STK32B: variants seen among roughly 807,000 people sequenced by gnomAD.
STK32B encodes the protein serine/threonine kinase 32B.
In STK32B, 43 loss-of-function variants were observed where a neutral mutation model predicts 52.6. The ratio of observed to expected loss-of-function variants is 0.82; its 90% confidence interval spans 0.64 to 1.05. STK32B has a LOEUF of 1.05. Ranked by LOEUF, STK32B falls within the 50% of genes least tolerant of loss-of-function variation. STK32B has a pLI of 0.00. For synonymous variants in STK32B, 238 were observed against 204.3 expected (o/e 1.17, Z -1.41); for missense variants, 621 against 534.6 (o/e 1.16, Z -1.59).
At chr4:5,263,490 G>A (rs1447576206) in intron 3 of STK32B, among the ~76,000 whole-genome samples, 1 of 152,138 alleles carries the variant, frequency 6.6e-6, no homozygotes. Flanking sequence ...TGCAGAGGAT[G>A]TTCTACTTAT....
intron 3 of STK32B, among the ~76,000 whole-genome samples, chr4:5,301,741 A>G (rs1577314838): frequency 8.9e-6 from 1 of 112,250 alleles, no homozygotes; most frequent in East Asian, 2.6e-4. Flanking sequence ...TTTCAGTTCC[A>G]TTAGCTTTTT....
intron 6 of STK32B, among the ~76,000 whole-genome samples, chr4:5,444,793 T>C (rs1299035054): frequency 6.6e-6 from 1 of 152,220 alleles, no homozygotes; most frequent in Admixed American, 6.5e-5. Context: ...TATTATTATC[T>C]ACATTCTACA....
chr4:5,483,224 T>C (rs1718868016), intron 11 of STK32B, among the ~76,000 whole-genome samples: 1 of 151,524 alleles, frequency 6.6e-6, no homozygotes, highest in Non-Finnish European at 1.5e-5. Flanking sequence ...TCCTGGACTC[T>C]TTTTGGTTGG....
In STK32B at chr4:5,346,954, C is replaced by G. The variant is rs1733507051; in HGVS notation, c.434+15561C>G. On this transcript the variant is annotated intron_variant, in intron 4 of 11. Transcript: ENST00000282908. ...AGAGAGAGCACATGTGAAGGAGGAA[C>G]TGTCAAACACTTATAAAACCATCAG... Among the ~76,000 whole-genome samples the G allele has an allele frequency of 1.3e-5, 2 of 152,168 alleles. 1 individual carries two copies. The highest frequency in any genetic ancestry group is 4.8e-5 in the African/African-American group (2 of 41,448).
chr4:5,423,793 G>C (rs1015716015), intron 6 of STK32B, among the ~76,000 whole-genome samples: 3 of 152,184 alleles, frequency 2.0e-5, no homozygotes, highest in Non-Finnish European at 4.4e-5. Context: ...CAGAGGGGTG[G>C]TGGTGGTGAT....
At chr4:5,436,840 T>C (rs1271784987) in intron 6 of STK32B, among the ~76,000 whole-genome samples, 2 of 151,994 alleles carry the variant, frequency 1.3e-5, no homozygotes, top group Non-Finnish European at 2.9e-5. Flanking sequence ...CCAATTCTAA[T>C]AAGGAGGTGT....
In STK32B at chr4:5,489,592, A is replaced by C. The variant is rs1429399179; in HGVS notation, c.1107-9353A>C. 3.9e-5 allele frequency among the ~76,000 whole-genome samples: 6 copies of C among 152,116 alleles called. No individual in the cohort carries two copies. The East Asian group carries it at 1.2e-3, about 30-fold the overall frequency. On this transcript the variant is annotated intron_variant, in intron 11 of 11. Transcript: ENST00000282908. ...ATGAAGACATTTTAAATTTTATTTC[A>C]TTAACAACAATTTTATTTTATTTTA...
At position 5,386,826 on chromosome 4, in the gene STK32B, G is replaced by T. The variant is rs1040292491; in HGVS notation, c.435-11381G>T. Among the ~76,000 whole-genome samples the T allele has an allele frequency of 6.6e-6, 1 of 151,990 alleles. No homozygotes were observed. Among genetic ancestry groups the T allele is most frequent in the Non-Finnish European group, 1.5e-5 (1 of 67,994 alleles). On this transcript the variant is annotated intron_variant, in intron 4 of 11. Transcript: ENST00000282908. This position sits in a 1 kb window ranked among gnomAD's most constrained non-coding sequence, Gnocchi z 4.5. ...ACTCTCGGATTCCAATAGAAGTCAC[G>T]TGGATAGAGTCGGATTCAGCCTTGA...
intron 3 of STK32B, among the ~76,000 whole-genome samples, chr4:5,222,380 A>G (rs1254707874): frequency 9.9e-5 from 15 of 152,208 alleles, no homozygotes; most frequent in African/African-American, 3.1e-4. Flanking sequence ...ATTAAGGGCA[A>G]TTCTAGGGAG....
intron 2 of STK32B, among the ~76,000 whole-genome samples, chr4:5,157,493 A>G (rs1717953714): frequency 6.6e-6 from 1 of 152,216 alleles, no homozygotes; most frequent in African/African-American, 2.4e-5. Context: ...CAACAGAGAC[A>G]GCCTCTCCGA....
the STK32B span, among the ~76,000 whole-genome samples, chr4:5,020,138 G>T: frequency 1.3e-5 from 2 of 152,176 alleles, no homozygotes; most frequent in Non-Finnish European, 2.9e-5. Flanking sequence ...CCCAGCACAG[G>T]CCCCGAGGGA....
At chr4:5,177,691 G>A (rs913685753) in intron 3 of STK32B, among the ~76,000 whole-genome samples, 1 of 152,194 alleles carries the variant, frequency 6.6e-6, no homozygotes, top group Non-Finnish European at 1.5e-5. Context: ...ACAGGTATTA[G>A]GTAAATATAC....
intron 4 of STK32B, among the ~76,000 whole-genome samples, chr4:5,376,420 C>T (rs1172877010): frequency 6.6e-6 from 1 of 151,830 alleles, no homozygotes; most frequent in African/African-American, 2.4e-5. Flanking sequence ...TCTCTCTCCC[C>T]TGCCCCCCTC....
chr4:5,329,482 A>G (rs2108951629), intron 3 of STK32B, among the ~76,000 whole-genome samples: 1 of 152,162 alleles, frequency 6.6e-6, no homozygotes, highest in Non-Finnish European at 1.5e-5. Context: ...ATGGGTAAAG[A>G]CTTTCCCAAT....
At chr4:5,071,930 A>G (rs1468334407) in intron 1 of STK32B, among the ~76,000 whole-genome samples, 1 of 152,190 alleles carries the variant, frequency 6.6e-6, no homozygotes, top group Admixed American at 6.5e-5. Context: ...GCCAGAAAAC[A>G]AAACACAAGA....
intron 3 of STK32B, among the ~76,000 whole-genome samples, chr4:5,274,040 T>A (rs1214467022): frequency 1.3e-5 from 2 of 152,100 alleles, no homozygotes. Context: ...AGACTCAATA[T>A]TGCTAAGCTG....
intron 6 of STK32B, among the ~76,000 whole-genome samples, chr4:5,419,273 A>G (rs912596084): frequency 2.6e-5 from 4 of 152,218 alleles, no homozygotes; most frequent in African/African-American, 9.6e-5. Context: ...GCAGCTTGCT[A>G]TCCAGGTTTC....
chr4:5,049,832 C>A (rs536208812), upstream of STK32B, among the ~76,000 whole-genome samples: 1 of 152,236 alleles, frequency 6.6e-6, no homozygotes, highest in Non-Finnish European at 1.5e-5. Context: ...GGTGATCCAC[C>A]CGCCTCAGCC....
chr4:5,272,306 T>TTTATTGATTTGTGTA (rs1727497691), intron 3 of STK32B, among the ~76,000 whole-genome samples: 1 of 149,172 alleles, frequency 6.7e-6, no homozygotes, highest in Non-Finnish European at 1.5e-5. Context: ...CTCGATTACA[T>TTTATTGATTTGTGTA]TTATTGATTT....
Sources: allele counts gnomAD v4.1 joint callset (sites outside exome capture counted in the v4.1 genomes callset), GRCh38; gene constraint gnomAD v4.1.1; non-coding constraint Gnocchi (gnomAD v3.1); transcripts MANE v1.5; gene names NCBI Gene and HGNC (gene_info 2026-07-23, HGNC 2026-07-21).